Variants in HRH1 observed in about 807,000 individuals in gnomAD.
The protein encoded by HRH1 is histamine H1 receptor.
Under a neutral mutation model 10.3 loss-of-function variants are expected in HRH1, and 6 were observed. The ratio of observed to expected loss-of-function variants is 0.58; its 90% CI spans 0.32 to 1.15. HRH1 has a LOEUF of 1.15. HRH1 is among the 50% of genes most tolerant of loss of function. HRH1 has a pLI of 0.05. For synonymous variants in HRH1, 242 were observed against 236.7 expected, an observed-to-expected ratio of 1.02 and a Z score of -0.21; for missense variants, 514 against 615.3, an observed-to-expected ratio of 0.84 and a Z score of 1.74.
rs576356258 is a variant in HRH1, at chr3:11,167,933, T to C, written c.-36+13379T>C. Among the ~76,000 whole-genome samples, 3 of 152,312 alleles carry C rather than the reference T, an allele frequency of 2.0e-5. No individual in the cohort carries two copies. The South Asian group carries it at 6.2e-4, about 32-fold the overall frequency. The stretch of plus-strand genomic sequence containing the variant: ...TGTTCTGGGTGCTGAGATACAAGGA[T>C]GAACAAGGCGGGAGAACCTGCCTTC... On this transcript the variant is annotated intron_variant, in intron 1 of 1. Coordinates refer to ENST00000431010, the MANE Select transcript of HRH1 (RefSeq NM_001098212.2).
chr3:11,221,317 C>A (rs898185577), intron 1 of HRH1, among the ~76,000 whole-genome samples: 1 of 152,018 alleles, frequency 6.6e-6, no homozygotes, highest in African/African-American at 2.4e-5. Flanking sequence ...CTTTGGGAGG[C>A]CGAGGTGGGT....
At chr3:11,176,502 G>A (rs1196969645) in intron 1 of HRH1, among the ~76,000 whole-genome samples, 1 of 152,132 alleles carries the variant, frequency 6.6e-6, no homozygotes, top group African/African-American at 2.4e-5. Flanking sequence ...TTGTGAAGCA[G>A]CTGGGTACCA....
At position 11,260,053 on chromosome 3, in the gene HRH1, A is replaced by G. The variant is rs947251630; in HGVS notation, c.1016A>G (p.Asn339Ser). 6.2e-7 allele frequency: 1 copy of G among 1,614,180 alleles called. No individual in the cohort carries two copies. Among genetic ancestry groups the G allele is most frequent in the East Asian group, 2.2e-5 (1 of 44,884 alleles). ...CTCAAGACAGATGAGCAGGGCCTGA[A>G]CACACATGGGGCCAGCGAGATATCA... The part of the protein sequence containing the change: ...GQLKTDEQGL[N>S]THGASEISED... Residue 339 changes from asparagine to serine, a missense_variant, in exon 2 of 2, where the codon AAC (asparagine) becomes AGC (serine). Asn to Ser is a conservative substitution (Grantham distance 46). Coordinates refer to ENST00000431010, the MANE Select transcript of HRH1 (RefSeq NM_001098212.2).
At chr3:11,225,116 CA>C (rs1938840827) in intron 1 of HRH1, among the ~76,000 whole-genome samples, 1 of 152,172 alleles carries the variant, frequency 6.6e-6, no homozygotes, top group Non-Finnish European at 1.5e-5. Context: ...GGGACCCCTT[CA>C]AAGCCAAACT....
At chr3:11,189,444 A>T (rs1937506090) in intron 1 of HRH1, among the ~76,000 whole-genome samples, 1 of 152,224 alleles carries the variant, frequency 6.6e-6, no homozygotes, top group Non-Finnish European at 1.5e-5. Context: ...GGACATCATT[A>T]GTCCTCAGTC....
At chr3:11,147,202 G>A (rs746961710) in intron 1 of HRH1, among the ~76,000 whole-genome samples, 26 of 152,166 alleles carry the variant, frequency 1.7e-4, no homozygotes, top group Non-Finnish European at 1.0e-4. Context: ...TCAAGGGCAG[G>A]GATAAGGTCT....
intron 1 of HRH1, among the ~76,000 whole-genome samples, chr3:11,219,032 G>A (rs1366319828): frequency 6.6e-6 from 1 of 151,958 alleles, no homozygotes; most frequent in African/African-American, 2.4e-5. Context: ...TGGGATTACA[G>A]GCATAAGCTA....
chr3:11,144,638 A>G (rs1936390779), intron 1 of HRH1, among the ~76,000 whole-genome samples: 1 of 151,714 alleles, frequency 6.6e-6, no homozygotes, highest in South Asian at 2.1e-4. Context: ...TCACCACTTT[A>G]GCTACATAGC....
chr3:11,251,654 G>A (rs538155988), intron 1 of HRH1, among the ~76,000 whole-genome samples: 19 of 152,226 alleles, frequency 1.2e-4, no homozygotes, highest in Admixed American at 9.8e-4. Flanking sequence ...TTTTTTCTGC[G>A]TTTGAATTTC....
intron 1 of HRH1, among the ~76,000 whole-genome samples, chr3:11,234,852 GA>G (rs1939134545): frequency 6.6e-6 from 1 of 152,134 alleles, no homozygotes; most frequent in Non-Finnish European, 1.5e-5. Context: ...TTTCTTTGCT[GA>G]GACTTATTTT....
chr3:11,229,117 T>G (rs347611), intron 1 of HRH1, among the ~76,000 whole-genome samples: 43,703 of 152,090 alleles, frequency 0.29, 7,799 homozygotes, highest in Non-Finnish European at 0.4. Flanking sequence ...CCCTTCCTTT[T>G]TCTTCCCATC....
chr3:11,227,386 A>G (rs1274976158), intron 1 of HRH1, among the ~76,000 whole-genome samples: 1 of 151,502 alleles, frequency 6.6e-6, no homozygotes, highest in African/African-American at 2.4e-5. Flanking sequence ...TCCCTGGTTC[A>G]AGCAATTCTC....
At chr3:11,236,808 C>T (rs972795406) in intron 1 of HRH1, among the ~76,000 whole-genome samples, 1 of 152,140 alleles carries the variant, frequency 6.6e-6, no homozygotes, top group Admixed American at 6.6e-5. Flanking sequence ...CTAAAGAGCC[C>T]CAGGTGTGGG....
At chr3:11,164,081 A>ATGAG (rs542026316) in intron 1 of HRH1, among the ~76,000 whole-genome samples, 10 of 152,154 alleles carry the variant, frequency 6.6e-5, no homozygotes, top group African/African-American at 2.2e-4. Context: ...GAATGAATGA[A>ATGAG]TGAGTGAGCA....
At position 11,260,442 on chromosome 3, in the gene HRH1, C is replaced by T. The variant is rs1415881003; in HGVS notation, c.1405C>T (p.Pro469Ser). 1 of 1,613,342 alleles carries T rather than the reference C, an allele frequency of 6.2e-7. No homozygotes were observed. Among genetic ancestry groups the T allele is most frequent in the Admixed American group, 1.7e-5 (1 of 59,958 alleles). Residue 469 changes from proline (P) to serine (S), a missense_variant, in exon 2 of 2, where the codon CCC (proline) becomes TCC (serine). Physicochemically the swap from Pro to Ser is moderately conservative, Grantham distance 74 (BLOSUM62 -1). Transcript: ENST00000431010. ...CTCCACACTGAACCCCCTCATCTAC[C>T]CCTTGTGCAATGAGAACTTCAAGAA... ...INSTLNPLIY[P>S]LCNENFKKTF...
chr3:11,241,330 C>G (rs1371502010), intron 1 of HRH1, among the ~76,000 whole-genome samples: 1 of 152,216 alleles, frequency 6.6e-6, no homozygotes, highest in Non-Finnish European at 1.5e-5. Context: ...CACCTAATTG[C>G]TGGTGCTCTG....
intron 1 of HRH1, among the ~76,000 whole-genome samples, chr3:11,218,502 G>C (rs549483580): frequency 1.3e-5 from 2 of 152,000 alleles, no homozygotes; most frequent in Non-Finnish European, 2.9e-5. Flanking sequence ...TAAAAGTCAG[G>C]ACAGTGGTTT....
At chr3:11,173,274 C>A (rs900350732) in intron 1 of HRH1, among the ~76,000 whole-genome samples, 6 of 152,066 alleles carry the variant, frequency 3.9e-5, no homozygotes, top group African/African-American at 1.5e-4. Flanking sequence ...AAATAATGAT[C>A]ATGCTGATGA....
At chr3:11,181,716 C>T (rs971727546) in intron 1 of HRH1, among the ~76,000 whole-genome samples, 1 of 147,630 alleles carries the variant, frequency 6.8e-6, no homozygotes, top group African/African-American at 2.5e-5. Flanking sequence ...ACTGCAAGCT[C>T]TGCCTCCCGG....
Sources: allele counts gnomAD v4.1 joint callset (sites outside exome capture counted in the v4.1 genomes callset), GRCh38; gene constraint gnomAD v4.1.1; transcripts MANE v1.5; gene names NCBI Gene and HGNC (gene_info 2026-07-23, HGNC 2026-07-21).